Variants in FHOD3 observed in about 807,000 individuals in gnomAD.
FHOD3 encodes FH1/FH2 domain-containing protein 3.
FHOD3 carries 90 observed loss-of-function variants against 173.0 expected under a neutral mutation model. That is an observed-to-expected ratio of 0.52 (90% CI 0.44 to 0.62). The LOEUF is 0.62. FHOD3 is among the 20% of genes least tolerant of loss of function. The pLI is 0.00. For synonymous variants in FHOD3, 828 were observed against 823.0 expected (o/e 1.01, Z -0.10); for missense variants, 1,945 against 2,034.7 (o/e 0.96, Z 0.85).
At chr18:36,725,880 A>G (rs1049308502) in intron 19 of FHOD3, among the ~76,000 whole-genome samples, 1 of 152,084 alleles carries the variant, frequency 6.6e-6, no homozygotes, top group African/African-American at 2.4e-5. Context: ...CTGTACTATT[A>G]TTCTATTCTG....
At chr18:36,768,743 A>G (rs2043246006) in intron 27 of FHOD3, among the ~76,000 whole-genome samples, 1 of 152,236 alleles carries the variant, frequency 6.6e-6, no homozygotes, top group Non-Finnish European at 1.5e-5. Flanking sequence ...ACTGTGTATT[A>G]TAAAATCTAT....
intron 23 of FHOD3, 140 bp downstream of exon 23, chr18:36,744,333 A>G: frequency 4.8e-6 from 4 of 839,440 alleles, no homozygotes; most frequent in Non-Finnish European, 7.2e-6. Context: ...GTTTATGAAT[A>G]TGATTTGTTT....
rs111398589 is a variant in FHOD3 at position 36,543,710 on chromosome 18, T to C, written c.511+31167T>C. Among the ~76,000 whole-genome samples the C allele has an allele frequency of 1.7e-3, 259 of 152,332 alleles. 3 individuals carry two copies. The highest frequency in any genetic ancestry group is 5.8e-3 in the African/African-American group (241 of 41,570). On this transcript the variant is annotated intron_variant, in intron 5 of 28. Coordinates refer to ENST00000590592, the MANE Select transcript of FHOD3 (RefSeq NM_001281740.3). ...GTACTGGCCTCACACTGAGGCCCAG[T>C]TGAGCTCCAAAATGGGACAAAGTAC...
At chr18:36,435,041 T>C (rs906902257) in intron 3 of FHOD3, among the ~76,000 whole-genome samples, 1 of 151,778 alleles carries the variant, frequency 6.6e-6, no homozygotes, top group African/African-American at 2.4e-5. Flanking sequence ...GGTCAATGTA[T>C]ATTAATTTAT....
At chr18:36,712,542 A>G (rs1299069857) in intron 18 of FHOD3, among the ~76,000 whole-genome samples, 1 of 152,204 alleles carries the variant, frequency 6.6e-6, no homozygotes, top group Non-Finnish European at 1.5e-5. Flanking sequence ...AGCCAACTCA[A>G]AAACAAATCA....
intron 1 of FHOD3, among the ~76,000 whole-genome samples, chr18:36,321,835 G>C (rs1038443158): frequency 2.6e-5 from 4 of 152,216 alleles, no homozygotes; most frequent in Non-Finnish European, 5.9e-5. Flanking sequence ...TTGCTTTTCT[G>C]TTTCCTGCAT....
chr18:36,367,079 G>T (rs1434248902), intron 2 of FHOD3, among the ~76,000 whole-genome samples: 1 of 152,184 alleles, frequency 6.6e-6, no homozygotes, highest in East Asian at 1.9e-4. Context: ...GAGACACAGG[G>T]TCAGAACTGA....
chr18:36,579,671 A>G (rs900079818), intron 6 of FHOD3, among the ~76,000 whole-genome samples: 4 of 152,122 alleles, frequency 2.6e-5, no homozygotes, highest in African/African-American at 9.7e-5. Context: ...TGAGGGCACA[A>G]CCTTCCTGCC....
At chr18:36,584,152 A>G (rs919666620) in intron 6 of FHOD3, among the ~76,000 whole-genome samples, 2 of 145,372 alleles carry the variant, frequency 1.4e-5, no homozygotes, top group Non-Finnish European at 2.9e-5. Flanking sequence ...TGCTTTGTAT[A>G]AATGGCTTCA....
At chr18:36,495,679 G>GTA (rs2054707803) in intron 3 of FHOD3, among the ~76,000 whole-genome samples, 1 of 152,298 alleles carries the variant, frequency 6.6e-6, no homozygotes, top group South Asian at 2.1e-4. Flanking sequence ...GCATGTAGCT[G>GTA]GAGGGTCAGT....
At chr18:36,402,012 C>CTTTT (rs1305494190) in intron 3 of FHOD3, among the ~76,000 whole-genome samples, 1 of 152,160 alleles carries the variant, frequency 6.6e-6, no homozygotes, top group Non-Finnish European at 1.5e-5. Flanking sequence ...TGCATATATT[C>CTTTT]TTTTTAAAAA....
At chr18:36,544,044 C>T (rs1260255148) in intron 5 of FHOD3, among the ~76,000 whole-genome samples, 1 of 152,180 alleles carries the variant, frequency 6.6e-6, no homozygotes, top group African/African-American at 2.4e-5. Flanking sequence ...AGGCTTCTGG[C>T]ACAAGGTATG....
At chr18:36,671,950 A>C (rs2037563148) in intron 14 of FHOD3, among the ~76,000 whole-genome samples, 3 of 152,232 alleles carry the variant, frequency 2.0e-5, no homozygotes, top group African/African-American at 4.8e-5. Context: ...GGAGAAATAA[A>C]GAGCAGTGTC....
intron 5 of FHOD3, among the ~76,000 whole-genome samples, chr18:36,545,984 C>T (rs1225944985): frequency 6.6e-6 from 1 of 152,204 alleles, no homozygotes. Context: ...GAGAACCCTC[C>T]ACATGTAATG....
chr18:36,424,730 A>G (rs2050153331), intron 3 of FHOD3, among the ~76,000 whole-genome samples: 1 of 152,234 alleles, frequency 6.6e-6, no homozygotes, highest in African/African-American at 2.4e-5. Context: ...CTACAGTCCA[A>G]AAATATTAAA....
At chr18:36,622,122 T>C (rs2033759529) in intron 9 of FHOD3, among the ~76,000 whole-genome samples, 1 of 152,200 alleles carries the variant, frequency 6.6e-6, no homozygotes, top group South Asian at 2.1e-4. Flanking sequence ...TTATATGAGG[T>C]ATCTAAAATA....
At chr18:36,733,522 G>T (rs2149958845) in intron 20 of FHOD3, among the ~76,000 whole-genome samples, 1 of 152,268 alleles carries the variant, frequency 6.6e-6, no homozygotes, top group African/African-American at 2.4e-5. Flanking sequence ...TCCCTCAGGA[G>T]AAATTTATTC....
intron 10 of FHOD3, among the ~76,000 whole-genome samples, chr18:36,648,652 C>T (rs1055926869): frequency 6.6e-6 from 1 of 152,114 alleles, no homozygotes; most frequent in South Asian, 2.1e-4. Flanking sequence ...TATAGTGAGT[C>T]ATCCCTGATG....
At chr18:36,591,397 C>G (rs1420747619) in intron 6 of FHOD3, among the ~76,000 whole-genome samples, 1 of 152,100 alleles carries the variant, frequency 6.6e-6, no homozygotes, top group Non-Finnish European at 1.5e-5. Context: ...CTGGGGGCTA[C>G]TACGAGGTGA....
Sources: allele counts gnomAD v4.1 joint callset (sites outside exome capture counted in the v4.1 genomes callset), GRCh38; gene constraint gnomAD v4.1.1; transcripts MANE v1.5; gene names NCBI Gene and HGNC (gene_info 2026-07-23, HGNC 2026-07-21).